ST7: variants seen among roughly 807,000 people sequenced by gnomAD.
ST7 encodes suppressor of tumorigenicity 7 protein.
ST7 carries 28 observed loss-of-function variants against 78.7 expected under a neutral mutation model. The ratio of observed to expected loss-of-function variants is 0.36; its 90% CI spans 0.26 to 0.49. ST7 has a LOEUF of 0.49. Among genes scored for constraint, ST7 ranks in the 20% least tolerant of loss-of-function variants. The probability of loss-of-function intolerance (pLI) is 0.99; values close to 1 mark genes in which losing one functional copy is unlikely to be tolerated. For missense variants in ST7, 418 were observed against 696.0 expected (o/e 0.60, Z 4.49); for synonymous variants, 247 against 249.6 (o/e 0.99, Z 0.10).
chr7:117,110,236 AG>A (rs1802318811), intron 2 of ST7, among the ~76,000 whole-genome samples: 1 of 152,246 alleles, frequency 6.6e-6, no homozygotes, highest in Non-Finnish European at 1.5e-5. Flanking sequence ...GTAAGCAAAT[AG>A]AAAAAAAGAA....
At chr7:116,965,262 C>G (rs546141654) in intron 1 of ST7, among the ~76,000 whole-genome samples, 90 of 151,418 alleles carry the variant, frequency 5.9e-4, no homozygotes, top group African/African-American at 2.2e-3. Flanking sequence ...ATGGCGTGAA[C>G]CCGGGAGGCG....
rs1201491084 is a variant in ST7 at position 117,125,207 on chromosome 7, C to T, written c.395-4586C>T. On this transcript the variant is annotated intron_variant, in intron 3 of 15. Transcript: ENST00000323984. ...ATAATACCTAAAATAGTTTTAGTAG[C>T]TAGTGAACACTTACTTAGTAAAGTT... is the stretch of plus-strand genomic sequence containing the variant. Among the ~76,000 whole-genome samples the T allele has an allele frequency of 2.6e-5, 4 of 152,076 alleles. No individual in the cohort carries two copies. The South Asian group carries it at 6.2e-4, about 24-fold the overall frequency.
chr7:117,187,203 A>G (rs904292833), intron 10 of ST7, among the ~76,000 whole-genome samples: 1 of 152,182 alleles, frequency 6.6e-6, no homozygotes, highest in East Asian at 1.9e-4. Flanking sequence ...ATGCAAGAAT[A>G]TTTTGCTATT....
chr7:117,153,920 C>T (rs541779029), intron 9 of ST7, among the ~76,000 whole-genome samples: 55 of 152,020 alleles, frequency 3.6e-4, no homozygotes, highest in African/African-American at 1.3e-3. Context: ...TGAGCATGTG[C>T]CAGTGTGGAT....
intron 9 of ST7, among the ~76,000 whole-genome samples, chr7:117,141,468 C>G (rs1446767115): frequency 6.6e-6 from 1 of 152,148 alleles, no homozygotes. Context: ...TCCTTAACAT[C>G]AAGATTCATC....
intron 1 of ST7, among the ~76,000 whole-genome samples, chr7:117,080,004 G>A (rs1263292918): frequency 4.6e-5 from 5 of 107,618 alleles, no homozygotes; most frequent in Non-Finnish European, 7.1e-5. Context: ...TTTTTGAGAC[G>A]GAGTCTCGCT....
chr7:117,051,117 A>G (rs905409377), intron 1 of ST7, among the ~76,000 whole-genome samples: 2 of 152,214 alleles, frequency 1.3e-5, no homozygotes, highest in African/African-American at 4.8e-5. Flanking sequence ...CAAATTACAA[A>G]TGAAACAAAG....
chr7:117,040,752 G>T (rs778125260), intron 1 of ST7, among the ~76,000 whole-genome samples: 3 of 152,140 alleles, frequency 2.0e-5, no homozygotes, highest in Non-Finnish European at 4.4e-5. Context: ...GGGAGGCCAG[G>T]TTGCTGATAT....
At chr7:117,195,563 A>G (rs1810230340) in intron 12 of ST7, among the ~76,000 whole-genome samples, 1 of 152,196 alleles carries the variant, frequency 6.6e-6, no homozygotes, top group Non-Finnish European at 1.5e-5. Context: ...GCCTCAGGAA[A>G]CTTACATTCA....
At chr7:117,014,009 C>G (rs1795489968) in intron 1 of ST7, among the ~76,000 whole-genome samples, 1 of 152,000 alleles carries the variant, frequency 6.6e-6, no homozygotes, top group Admixed American at 6.6e-5. Context: ...GAAACCTGTT[C>G]AGTGGAAAGG....
rs185609313 is a variant in ST7 at position 117,093,245 on chromosome 7, A to C, written c.152-6517A>C. Reference sequence around the variant, plus strand: ...TAGGGCATCCATATTTCACAGGACTAATCACAATGTGGATGTTTTACATCC... The same window carrying C: ...TAGGGCATCCATATTTCACAGGACTCATCACAATGTGGATGTTTTACATCC... On this transcript the variant is annotated intron_variant, in intron 1 of 15. Coordinates refer to ENST00000323984, the MANE Select transcript of ST7 (RefSeq NM_001369598.1). 3.3e-3 allele frequency among the ~76,000 whole-genome samples: 501 copies of C among 152,310 alleles called. 10 individuals carry two copies. The highest frequency in any genetic ancestry group is 1.1e-3 in the Non-Finnish European group (73 of 68,018).
intron 2 of ST7, among the ~76,000 whole-genome samples, chr7:117,116,853 A>C (rs1802930052): frequency 6.6e-6 from 1 of 152,224 alleles, no homozygotes; most frequent in South Asian, 2.1e-4. Context: ...GCAAATGTCC[A>C]GTTAATATGA....
chr7:117,050,292 GGA>G (rs1435206565), intron 1 of ST7, among the ~76,000 whole-genome samples: 1 of 152,086 alleles, frequency 6.6e-6, no homozygotes, highest in Non-Finnish European at 1.5e-5. Context: ...GCAATTCACT[GGA>G]GAGACAGACT....
At chr7:117,038,963 CT>C (rs1014476337) in intron 1 of ST7, among the ~76,000 whole-genome samples, 1 of 151,916 alleles carries the variant, frequency 6.6e-6, no homozygotes, top group Admixed American at 6.6e-5. Flanking sequence ...TACAATCTGC[CT>C]TTTTTCATTT....
intron 1 of ST7, among the ~76,000 whole-genome samples, chr7:117,046,097 G>T (rs762753371): frequency 6.6e-6 from 1 of 152,178 alleles, no homozygotes; most frequent in South Asian, 2.1e-4. Context: ...TATGTACCTT[G>T]CTGAAAACCA....
At chr7:117,026,919 G>A (rs1404188725) in intron 1 of ST7, among the ~76,000 whole-genome samples, 1 of 152,196 alleles carries the variant, frequency 6.6e-6, no homozygotes, top group African/African-American at 2.4e-5. Context: ...AGGTTTGAGG[G>A]GAGGAGACTG....
intron 5 of ST7, among the ~76,000 whole-genome samples, chr7:117,131,618 C>T (rs776924844): frequency 3.3e-5 from 5 of 151,808 alleles, no homozygotes; most frequent in African/African-American, 9.7e-5. Flanking sequence ...GCAAAAGACA[C>T]GCAAAATCTC....
Position 117,129,844 on chromosome 7 carries a change from A to G in ST7, c.446A>G (p.Asn149Ser), listed in dbSNP as rs780663291. 4 of 1,609,138 alleles carry G rather than the reference A, an allele frequency of 2.5e-6. No homozygotes were observed. In the South Asian group the frequency reaches 3.3e-5, roughly 13 times the overall value. The change falls in exon 4 of 16, where the codon AAT becomes AGT. Residue 149 changes from asparagine to serine, a missense_variant. Physicochemically the swap from Asn to Ser is conservative, Grantham distance 46 (BLOSUM62 1). Around this residue, in one of 4 missense-constraint regions of ST7, gnomAD observed 288 missense variants for 537.1 expected, o/e 0.54. Transcript: ENST00000323984. Reference sequence around the variant, plus strand: ...AATTTATTTAGGGGTGCTGAATACAATCGGTAAGCATTTTGACAGCTTGGG... The same window carrying G: ...AATTTATTTAGGGGTGCTGAATACAGTCGGTAAGCATTTTGACAGCTTGGG... ...PLNLFRGAEY[N>S]RYTWVTGREP... is the part of the protein sequence containing the mutation.
rs562576242 is a variant in ST7, at chr7:117,164,785, T to G, written c.964-6077T>G. 2.7e-5 allele frequency among the ~76,000 whole-genome samples: 4 copies of G among 150,792 alleles called. No homozygotes were observed. The South Asian group carries it at 8.4e-4, about 32-fold the overall frequency. ...TTTGGACTCAGTGCTGATGACTGGG[T>G]TTGAATCATAATCCCAGCACTAACT... On this transcript the variant is annotated intron_variant, in intron 9 of 15. Coordinates refer to ENST00000323984, the MANE Select transcript of ST7 (RefSeq NM_001369598.1).
Sources: gnomAD v4.1 joint callset for allele counts (sites outside exome capture counted in the v4.1 genomes callset) on GRCh38, gnomAD v4.1.1 for gene constraint, gnomAD v4.1.1 regional missense constraint, MANE v1.5 for transcripts, NCBI Gene and HGNC (gene_info 2026-07-23, HGNC 2026-07-21) for gene names.